DOHH: variants seen among roughly 807,000 people sequenced by gnomAD.
DOHH encodes the protein HEAT-like (PBS lyase) repeat containing 1.
Under a neutral mutation model 19.9 loss-of-function variants are expected in DOHH, and 16 were observed. The ratio of observed to expected loss-of-function variants is 0.80; its 90% CI spans 0.54 to 1.22. The LOEUF (loss-of-function observed/expected upper bound fraction) is 1.22, where lower values mean the gene tolerates loss of function less well. DOHH is among the 50% of genes most tolerant of loss of function. DOHH has a pLI of 0.00. For missense variants in DOHH, 460 were observed against 460.6 expected, an observed-to-expected ratio of 1.00 and a Z score of 0.01; for synonymous variants, 233 against 217.0, an observed-to-expected ratio of 1.07 and a Z score of -0.65.
At chr19:3,495,383 C>T (rs1044367282) in intron 2 of DOHH, among the ~76,000 whole-genome samples, 7 of 151,948 alleles carry the variant, frequency 4.6e-5, no homozygotes, top group Non-Finnish European at 8.8e-5. Context: ...CTCAAGTAAT[C>T]CTCCTGCCTC....
At chr19:3,492,630 GAAGT>G in intron 3 of DOHH, 131 bp from the exon 4 acceptor site, 1 of 751,364 alleles carries the variant, frequency 1.3e-6, no homozygotes. Context: ...TTCCAGGCAG[GAAGT>G]AAGCCAGCAG....
chr19:3,498,978 G>A (rs953710939), intron 1 of DOHH, among the ~76,000 whole-genome samples: 6 of 152,180 alleles, frequency 3.9e-5, no homozygotes, highest in African/African-American at 1.4e-4. Context: ...TCTTTAGATG[G>A]ATGCTCAGTT....
rs1202131568 is a variant in DOHH, at chr19:3,496,832, C to T, written c.-18G>A. 6.5e-7 allele frequency: 1 copy of T among 1,545,268 alleles called. No homozygotes were observed. The highest frequency in any genetic ancestry group is 8.7e-7 in the Non-Finnish European group (1 of 1,148,756). ...GTCACCATCGTGCTGTCAATGGGTC[C>T]CGGCCTTCCACAACCCTGCTCAGGC... is the stretch of plus-strand genomic sequence containing the variant. On this transcript the variant is annotated 5_prime_UTR_variant, in exon 2 of 5. Coordinates refer to ENST00000427575, the MANE Select transcript of DOHH (RefSeq NM_001145165.2). This position sits in a 1 kb window ranked among gnomAD's most constrained non-coding sequence, Gnocchi z 4.8.
In DOHH at chr19:3,494,044, G is replaced by A. The variant is rs765177422; in HGVS notation, c.335C>T (p.Ser112Leu). The stretch of plus-strand genomic sequence containing the variant: ...CCTGGTTACCTCGATGACGGGGTCC[G>A]AGGAATACTGCTTCAGGATCTCCAG... ...EVLEILKQYS[S>L]DPVIEVAETC... is the part of the protein sequence containing the mutation. The change falls in exon 3 of 5, where the codon TCG becomes TTG. Residue 112 changes from serine to leucine, a missense_variant. Physicochemically the swap from Ser to Leu is moderately radical, Grantham distance 145 (BLOSUM62 -2). Transcript: ENST00000427575. The A allele has an allele frequency of 3.5e-5, 57 of 1,613,506 alleles. No individual in the cohort carries two copies. The highest frequency in any genetic ancestry group is 4.7e-5 in the Non-Finnish European group (56 of 1,179,740).
At chr19:3,495,867 C>A (rs987580874) in intron 2 of DOHH, among the ~76,000 whole-genome samples, 14 of 137,160 alleles carry the variant, frequency 1.0e-4, no homozygotes, top group African/African-American at 4.4e-4. Context: ...CAAGACGGCA[C>A]CACAGTACCC....
Position 3,491,431 on chromosome 19 carries a change from GCT to G in DOHH, c.*59_*60del. The G allele has an allele frequency of 6.8e-7, 1 of 1,477,478 alleles. No individual in the cohort carries two copies. Among genetic ancestry groups the G allele is most frequent in the East Asian group, 2.5e-5 (1 of 39,858 alleles). The allele number at this position is 1,477,478 out of a possible 1,614,324, so 91.5% of individuals were successfully genotyped here. On this transcript the variant is annotated 3_prime_UTR_variant, in exon 5 of 5. Transcript: ENST00000427575. The surrounding 1 kb of genome is among the most constrained non-coding windows in gnomAD (Gnocchi z 5.6). ...ACACACACCCGGTTTAGACGCCAAAGCTCTGCGGGGGAGGAGCGGCCCTCAAG... is the reference window on the plus strand; with the variant it reads ...ACACACACCCGGTTTAGACGCCAAAGCTGCGGGGGAGGAGCGGCCCTCAAG...
At chr19:3,495,430 C>T (rs915737547) in intron 2 of DOHH, among the ~76,000 whole-genome samples, 3 of 152,206 alleles carry the variant, frequency 2.0e-5, no homozygotes, top group African/African-American at 4.8e-5. Flanking sequence ...GCGTGAGCCA[C>T]GATGCCCGGC....
rs763135558 is a variant in DOHH, at chr19:3,491,544, C to A, written c.857G>T (p.Arg286Leu). The change falls in exon 5 of 5, where the codon CGG (arginine) becomes CTG (leucine). Residue 286 changes from arginine (R) to leucine (L), a missense_variant. Arg to Leu is a moderately radical substitution (Grantham distance 102, BLOSUM62 -2). Transcript: ENST00000427575. The surrounding 1 kb of genome is among the most constrained non-coding windows in gnomAD (Gnocchi z 5.6). ...ALDMYEHETGRAFQYADGLEQ... is the reference protein window; with the variant it reads ...ALDMYEHETGLAFQYADGLEQ... ...CAGGCCGTCCGCGTACTGGAAGGCC[C>A]GCCCGGTCTCGTGCTCATACATGTC... 3.3e-6 allele frequency: 5 copies of A among 1,535,706 alleles called. No individual in the cohort carries two copies. Among genetic ancestry groups the A allele is most frequent in the Non-Finnish European group, 4.4e-6 (5 of 1,146,706 alleles).
chr19:3,494,497 A>G (rs1356766291), intron 2 of DOHH, among the ~76,000 whole-genome samples: 4 of 152,144 alleles, frequency 2.6e-5, no homozygotes, highest in Non-Finnish European at 5.9e-5. Flanking sequence ...ACAGAGTGAG[A>G]CCCTGTCTCA....
At position 3,497,831 on chromosome 19, in the gene DOHH, A is replaced by G. The variant is rs1037968816; in HGVS notation, c.-72-945T>C. 6.1e-4 allele frequency among the ~76,000 whole-genome samples: 92 copies of G among 151,526 alleles called. 1 individual carries two copies. Among genetic ancestry groups the G allele is most frequent in the African/African-American group, 1.9e-3 (80 of 41,188 alleles). ...TTTGTAGAGATGGGGTCTCACTTCT[A>G]TGTTGCCCAGGCTGGTCTCCAACTC... On this transcript the variant is annotated intron_variant, in intron 1 of 4. Transcript: ENST00000427575.
chr19:3,498,911 G>A (rs1474523771), intron 1 of DOHH, among the ~76,000 whole-genome samples: 1 of 152,184 alleles, frequency 6.6e-6, no homozygotes, highest in Non-Finnish European at 1.5e-5. Context: ...GGTTCCAAAG[G>A]AAAGTCTTCA....
rs1170077078 is a variant in DOHH at position 3,496,544 on chromosome 19, C to A, written c.271G>T (p.Ala91Ser). ...TRQEPMVRHEAGEALGAIGDP... is the reference protein window; with the variant it reads ...TRQEPMVRHESGEALGAIGDP... The stretch of plus-strand genomic sequence containing the variant: ...CGGGACACAGACAGGTGCTCACCTG[C>A]CTCATGGCGCACCATGGGCTCCTGA... Residue 91 changes from alanine (A) to serine (S), a missense_variant, in exon 2 of 5, where the codon GCA (alanine) becomes TCA (serine). By Grantham distance (99) the Ala-to-Ser change is moderately conservative. Coordinates refer to ENST00000427575, the MANE Select transcript of DOHH (RefSeq NM_001145165.2). This position sits in a 1 kb window ranked among gnomAD's most constrained non-coding sequence, Gnocchi z 4.8. 5 of 1,610,076 alleles carry A rather than the reference C, an allele frequency of 3.1e-6. No individual in the cohort carries two copies. The highest frequency in any genetic ancestry group is 1.7e-5 in the Admixed American group (1 of 59,934).
Position 3,492,337 on chromosome 19 carries a change from G to T in DOHH, c.514C>A (p.Leu172Ile), listed in dbSNP as rs1217055082. 6.5e-7 allele frequency: 1 copy of T among 1,543,468 alleles called. No individual in the cohort carries two copies. Among genetic ancestry groups the T allele is most frequent in the Non-Finnish European group, 8.7e-7 (1 of 1,152,238 alleles). Residue 172 changes from leucine (L) to isoleucine (I), a missense_variant, in exon 4 of 5, where the codon CTC becomes ATC. Coordinates refer to ENST00000427575, the MANE Select transcript of DOHH (RefSeq NM_001145165.2). ...AACATGGCGCGGTATCGCTCGAAGA[G>T]CGGCCGGGACTCATCCAGCAGCGCC... ...REALLDESRP[L>I]FERYRAMFAL...
chr19:3,492,869 C>T (rs1379894143), intron 3 of DOHH, among the ~76,000 whole-genome samples: 2 of 152,184 alleles, frequency 1.3e-5, no homozygotes, highest in African/African-American at 4.8e-5. Context: ...CTGCGGGCCA[C>T]TGTAAGGGCT....
In DOHH at chr19:3,492,170, G is replaced by A. The variant is rs113840404; in HGVS notation, c.589+92C>T. 474 of 1,195,290 alleles carry A rather than the reference G, an allele frequency of 4.0e-4. 4 individuals are homozygous for A. The African/African-American group carries it at 7.0e-3, about 18-fold the overall frequency. 74.0% of individuals were successfully genotyped at this position (1,195,290 alleles called of 1,614,324 possible). On this transcript the variant is annotated intron_variant, in intron 4 of 4. Coordinates refer to ENST00000427575, the MANE Select transcript of DOHH (RefSeq NM_001145165.2). ...GGGCCAGGCCCGGGATGCCGTTCCC[G>A]GGGGCAGGCCGCGGCCCCACTGCAC...
chr19:3,495,030 T>C (rs1467061093), intron 2 of DOHH, among the ~76,000 whole-genome samples: 1 of 151,766 alleles, frequency 6.6e-6, no homozygotes, highest in Non-Finnish European at 1.5e-5. Flanking sequence ...TAGAGTACAA[T>C]GGCGCGATCT....
At position 3,496,440 on chromosome 19, in the gene DOHH, C is replaced by A; in HGVS notation, c.274+101G>T. The A allele has an allele frequency of 6.6e-7, 1 of 1,505,984 alleles. No homozygotes were observed. Among genetic ancestry groups the A allele is most frequent in the Non-Finnish European group, 8.9e-7 (1 of 1,119,232 alleles). The allele number at this position is 1,505,984 out of a possible 1,614,324, so 93.3% of individuals were successfully genotyped here. ...ATCTGGTGCTCTATGGGGCAGTTGA[C>A]CACTCTGATATTTATCACCTGAGTG... On this transcript the variant is annotated intron_variant, in intron 2 of 4. Transcript: ENST00000427575. The surrounding 1 kb of genome is among the most constrained non-coding windows in gnomAD (Gnocchi z 4.8).
rs1306477138 is a variant in DOHH, at chr19:3,496,255, A to G, written c.274+286T>C. Reference sequence around the variant, plus strand: ...TTGAACTCCTGAGTTCAAACGATCCACCTTCCTGGGCCTCCCAAAGTGCTA... The same window carrying G: ...TTGAACTCCTGAGTTCAAACGATCCGCCTTCCTGGGCCTCCCAAAGTGCTA... On this transcript the variant is annotated intron_variant, in intron 2 of 4. Coordinates refer to ENST00000427575, the MANE Select transcript of DOHH (RefSeq NM_001145165.2). The surrounding 1 kb of genome is among the most constrained non-coding windows in gnomAD (Gnocchi z 4.8). Among the ~76,000 whole-genome samples the G allele has an allele frequency of 1.3e-5, 2 of 152,126 alleles. No individual in the cohort carries two copies. Among genetic ancestry groups the G allele is most frequent in the East Asian group, 3.9e-4 (2 of 5,166 alleles).
intron 2 of DOHH, among the ~76,000 whole-genome samples, chr19:3,495,562 TCTATGG>T (rs2082902263): frequency 1.3e-5 from 2 of 152,222 alleles, no homozygotes; most frequent in Admixed American, 6.5e-5. Flanking sequence ...GGATTGGGGA[TCTATGG>T]CTTGTCGCTT....
Sources: allele counts gnomAD v4.1 joint callset (sites outside exome capture counted in the v4.1 genomes callset), GRCh38; gene constraint gnomAD v4.1.1; non-coding constraint Gnocchi (gnomAD v3.1); transcripts MANE v1.5; gene names NCBI Gene and HGNC (gene_info 2026-07-23, HGNC 2026-07-21).